Variants in MDC1 observed in about 807,000 individuals in gnomAD.
The protein encoded by MDC1 is mediator of DNA damage checkpoint protein 1.
MDC1 carries 81 observed loss-of-function variants against 142.5 expected under a neutral mutation model. The ratio of observed to expected loss-of-function variants is 0.57; its 90% CI spans 0.47 to 0.68. The LOEUF (loss-of-function observed/expected upper bound fraction) is 0.68. Ranked by LOEUF, MDC1 falls within the 30% of genes least tolerant of loss-of-function variation. The pLI is 0.00. For missense variants in MDC1, 2,119 were observed against 2,547.9 expected (o/e 0.83, Z 3.62); for synonymous variants, 797 against 968.4 (o/e 0.82, Z 3.29).
Position 30,713,794 on chromosome 6 carries a change from C to T in MDC1, c.517+9G>A. The T allele has an allele frequency of 1.2e-6, 2 of 1,613,736 alleles. No individual in the cohort carries two copies. The highest frequency in any genetic ancestry group is 1.7e-6 in the Non-Finnish European group (2 of 1,179,718). On this transcript the variant is annotated intron_variant, in intron 3 of 14. Coordinates refer to ENST00000376406, the MANE Select transcript of MDC1 (RefSeq NM_014641.3). The surrounding 1 kb of genome is among the most constrained non-coding windows in gnomAD (Gnocchi z 4.9). ...TCTCCTCATTCTCCCTGCCAATATA[C>T]AAACTTACCTACTTCCTCCTCCGAG...
chr6:30,714,063 GC>G lies in MDC1; in HGVS notation c.256del (p.Ala86HisfsTer16). On this transcript the variant is annotated frameshift_variant, in exon 3 of 15. Transcript: ENST00000376406. LOFTEE classifies it high-confidence loss of function. ...GCTCCCACAGTCTCGGAGGATAGGTGCCTTGTCCCAGGCTAAGATTTCAATC... is the reference window on the plus strand; with the variant it reads ...GCTCCCACAGTCTCGGAGGATAGGTGCTTGTCCCAGGCTAAGATTTCAATC... ...AEIEILAWDK[A>X]PILRDCGSLN... 1 of 1,612,946 alleles carries G rather than the reference GC, an allele frequency of 6.2e-7. No homozygotes were observed.
At position 30,705,272 on chromosome 6, in the gene MDC1, T is replaced by C. The variant is rs775086642; in HGVS notation, c.3911A>G (p.Lys1304Arg). Residue 1304 changes from lysine to arginine, a missense_variant, in exon 10 of 15, where the codon AAG becomes AGG. Transcript: ENST00000376406. The stretch of plus-strand genomic sequence containing the variant: ...GCTCCTAGTGGTCCGAGATGTGGGC[T>C]TGGGGGTGACAGGTCGGTCTGTGGA... ...STSTDRPVTP[K>R]PTSRTTRSRT... 2.5e-6 allele frequency: 4 copies of C among 1,602,260 alleles called. No individual in the cohort carries two copies. Among genetic ancestry groups the C allele is most frequent in the Non-Finnish European group, 3.4e-6 (4 of 1,175,372 alleles).
At position 30,707,552 on chromosome 6, in the gene MDC1, C is replaced by T. The variant is rs375903236; in HGVS notation, c.3013+14G>A. ...CCTGTGTATCACCTTGGGTTCCCCT[C>T]TGCCTTCACTTACCTTTCTGATGCC... On this transcript the variant is annotated intron_variant, in intron 8 of 14. Transcript: ENST00000376406. The T allele has an allele frequency of 2.4e-5, 39 of 1,612,560 alleles. No homozygotes were observed. In the African/African-American group the frequency reaches 4.8e-4, roughly 20 times the overall value.
At chr6:30,710,081 AC>A (rs772317985) in intron 7 of MDC1, among the ~76,000 whole-genome samples, 21 of 149,362 alleles carry the variant, frequency 1.4e-4, no homozygotes, top group Non-Finnish European at 2.8e-4. Flanking sequence ...CAGCCTATAT[AC>A]ACATTTTCTT....
rs115728460 is a variant in MDC1 at position 30,710,082 on chromosome 6, C to T, written c.2221+1330G>A. Among the ~76,000 whole-genome samples, 1,513 of 151,356 alleles carry T rather than the reference C, an allele frequency of 1.0e-2. 11 individuals are homozygous for T. The highest frequency in any genetic ancestry group is 0.019 in the South Asian group (90 of 4,748). On this transcript the variant is annotated intron_variant, in intron 7 of 14. Transcript: ENST00000376406. Reference sequence around the variant, plus strand: ...TGAGCCACTGCACCCAGCCTATATACACATTTTCTTTTTTTTTATTATTAG... The same window carrying T: ...TGAGCCACTGCACCCAGCCTATATATACATTTTCTTTTTTTTTATTATTAG...
rs1382684894 is a variant in MDC1 at position 30,709,181 on chromosome 6, G to A, written c.2222-824C>T. Among the ~76,000 whole-genome samples, 1 of 152,160 alleles carries A rather than the reference G, an allele frequency of 6.6e-6. No individual in the cohort carries two copies. The highest frequency in any genetic ancestry group is 1.5e-5 in the Non-Finnish European group (1 of 68,032). Reference sequence around the variant, plus strand: ...TCCCAAGTAGCTGGGACTACGGCATGTGCCAAAGTGCCCGGCTAATTTTTT... The same window carrying A: ...TCCCAAGTAGCTGGGACTACGGCATATGCCAAAGTGCCCGGCTAATTTTTT... On this transcript the variant is annotated intron_variant, in intron 7 of 14. Transcript: ENST00000376406. The surrounding 1 kb of genome is among the most constrained non-coding windows in gnomAD (Gnocchi z 4.2).
chr6:30,715,818 GT>G lies in MDC1; in HGVS notation c.-3-641del, dbSNP rs1470691381. ...CTCATTTAATCTTCACAAGAACCTT[GT>G]AAAGTAGTATTACTATCTTCCATTT... On this transcript the variant is annotated intron_variant, in intron 1 of 14. Transcript: ENST00000376406. This position sits in a 1 kb window ranked among gnomAD's most constrained non-coding sequence, Gnocchi z 4.1. 6.6e-6 allele frequency among the ~76,000 whole-genome samples: 1 copy of G among 152,154 alleles called. No homozygotes were observed. Among genetic ancestry groups the G allele is most frequent in the East Asian group, 1.9e-4 (1 of 5,204 alleles).
chr6:30,700,902 C>CAAAAAAAAAA (rs9281018), intron 14 of MDC1, among the ~76,000 whole-genome samples: 36 of 70,148 alleles, frequency 5.1e-4, no homozygotes, highest in Middle Eastern at 9.6e-3. Context: ...ACTAAAAATA[C>CAAAAAAAAAA]AAAAAAAAAA....
At position 30,715,324 on chromosome 6, in the gene MDC1, C is replaced by T. The variant is rs1275938595; in HGVS notation, c.-3-146G>A. The T allele has an allele frequency of 2.1e-6, 2 of 947,186 alleles. No individual in the cohort carries two copies. The highest frequency in any genetic ancestry group is 3.2e-6 in the Non-Finnish European group (2 of 626,832). 58.7% of individuals were successfully genotyped at this position (947,186 alleles called of 1,614,324 possible). On this transcript the variant is annotated intron_variant, in intron 1 of 14. Coordinates refer to ENST00000376406, the MANE Select transcript of MDC1 (RefSeq NM_014641.3). This position sits in a 1 kb window ranked among gnomAD's most constrained non-coding sequence, Gnocchi z 4.1. ...CACCAATCTTTCTGTTGTTAACCTT[C>T]TGAAGCACTTAAAACATTTTTTTCT...
Position 30,705,994 on chromosome 6 carries a change from A to G in MDC1, c.3189T>C (p.Pro1063=). The G allele has an allele frequency of 6.2e-7, 1 of 1,603,378 alleles. No homozygotes were observed. Among genetic ancestry groups the G allele is most frequent in the Non-Finnish European group, 8.5e-7 (1 of 1,174,868 alleles). ...GTAAAAGGGGAGAAAGAAGGGGCGG[A>G]GGTGCAAGATGTTTCTGGCTCTGAG... ...LNSQSQKHLA[P]PPLLSPLLPS... Residue 1063 remains proline (P), a synonymous_variant, in exon 10 of 15, where the codon CCT becomes CCC. Coordinates refer to ENST00000376406, the MANE Select transcript of MDC1 (RefSeq NM_014641.3).
chr6:30,714,223 C>T (rs1288692722), intron 2 of MDC1, 40 bp from the exon 3 acceptor site: 1 of 1,565,642 alleles, frequency 6.4e-7, no homozygotes, highest in Admixed American at 1.8e-5. Context: ...AGATCAGAGT[C>T]CTGGCCTGTC....
chr6:30,707,441 G>A lies in MDC1; in HGVS notation c.3027C>T (p.Cys1009=). ...AAGCCTTCTCAGCAGGTGGCATCTT[G>A]CAATTCAGGAGGCCTAGACAGAAAG... ...PRRHQKGLLN[C]KMPPAEKASR... Residue 1009 remains cysteine (C), a synonymous_variant, in exon 9 of 15, where the codon TGC becomes TGT. Transcript: ENST00000376406. 6.2e-7 allele frequency: 1 copy of A among 1,613,124 alleles called. No homozygotes were observed. The highest frequency in any genetic ancestry group is 8.5e-7 in the Non-Finnish European group (1 of 1,180,034).
Position 30,716,458 on chromosome 6 carries a change from C to T in MDC1, c.-4+787G>A, listed in dbSNP as rs1213012089. ...AGCTCCTGACCTCAGGTGATCCGCCCACCTTGGCCACCCAAAGTGTTGGGA... is the reference window on the plus strand; with the variant it reads ...AGCTCCTGACCTCAGGTGATCCGCCTACCTTGGCCACCCAAAGTGTTGGGA... On this transcript the variant is annotated intron_variant, in intron 1 of 14. Transcript: ENST00000376406. This position sits in a 1 kb window ranked among gnomAD's most constrained non-coding sequence, Gnocchi z 4.4. Among the ~76,000 whole-genome samples, 1 of 152,144 alleles carries T rather than the reference C, an allele frequency of 6.6e-6. No individual in the cohort carries two copies. The highest frequency in any genetic ancestry group is 2.4e-5 in the African/African-American group (1 of 41,442).
chr6:30,714,239 G>GAAAAAAAAAAAA, intron 2 of MDC1, 56 bp from the exon 3 acceptor site: 1 of 1,526,362 alleles, frequency 6.6e-7, no homozygotes, highest in Admixed American at 2.0e-5. Context: ...CTGTCATTAG[G>GAAAAAAAAAAAA]AAAAAGTGCC....
rs553159423 is a variant in MDC1 at position 30,707,630 on chromosome 6, G to C, written c.2949C>G (p.Pro983=). The change falls in exon 8 of 15, where the codon CCC becomes CCG. Residue 983 remains proline, a synonymous_variant. Transcript: ENST00000376406. ...CACCTGACTGGCTCCCAGAAGGTAC[G>C]GGGGCTGAGGTAGGTCCCGGAAGGT... The part of the protein sequence containing the change: ...AGDLPGPTSA[P]VPSGSQSGGR... 6.2e-7 allele frequency: 1 copy of C among 1,613,008 alleles called. No individual in the cohort carries two copies. Among genetic ancestry groups the C allele is most frequent in the Non-Finnish European group, 8.5e-7 (1 of 1,179,990 alleles).
rs1332014800 is a variant in MDC1, at chr6:30,709,081, C to A, written c.2222-724G>T. On this transcript the variant is annotated intron_variant, in intron 7 of 14. Coordinates refer to ENST00000376406, the MANE Select transcript of MDC1 (RefSeq NM_014641.3). The surrounding 1 kb of genome is among the most constrained non-coding windows in gnomAD (Gnocchi z 4.2). ...AGACAGTTTCACTCTGTCACCCAGG[C>A]TGGAGTGCAGTGGCATGATGTTGGC... Among the ~76,000 whole-genome samples, 3 of 152,236 alleles carry A rather than the reference C, an allele frequency of 2.0e-5. No homozygotes were observed. The South Asian group carries it at 6.2e-4, about 32-fold the overall frequency.
chr6:30,702,147 C>T (rs747577516), intron 14 of MDC1, among the ~76,000 whole-genome samples: 4 of 149,180 alleles, frequency 2.7e-5, no homozygotes, highest in Non-Finnish European at 5.9e-5. Flanking sequence ...CCTGTAGTCC[C>T]AGCTACTCGG....
In MDC1 at chr6:30,716,724, C is replaced by G. The variant is rs998266967; in HGVS notation, c.-4+521G>C. ...ACCGTGTCTTTCCCCTAGGGTCCAT[C>G]ATATTCATTCAATGGTTATGGTATA... is the stretch of plus-strand genomic sequence containing the variant. On this transcript the variant is annotated intron_variant, in intron 1 of 14. Coordinates refer to ENST00000376406, the MANE Select transcript of MDC1 (RefSeq NM_014641.3). The surrounding 1 kb of genome is among the most constrained non-coding windows in gnomAD (Gnocchi z 4.4). Among the ~76,000 whole-genome samples, 2 of 152,168 alleles carry G rather than the reference C, an allele frequency of 1.3e-5. No individual in the cohort carries two copies. Among genetic ancestry groups the G allele is most frequent in the Non-Finnish European group, 2.9e-5 (2 of 68,024 alleles).
intron 7 of MDC1, among the ~76,000 whole-genome samples, chr6:30,710,791 G>A (rs1030568743): frequency 6.6e-6 from 1 of 152,138 alleles, no homozygotes; most frequent in Non-Finnish European, 1.5e-5. Context: ...TAGTGTGTGT[G>A]TGTTTTTTTT....
Sources: gnomAD v4.1 joint callset for allele counts (sites outside exome capture counted in the v4.1 genomes callset) on GRCh38, gnomAD v4.1.1 for gene constraint, Gnocchi (gnomAD v3.1) non-coding constraint, MANE v1.5 for transcripts, NCBI Gene and HGNC (gene_info 2026-07-23, HGNC 2026-07-21) for gene names.